The following PRICKLE1 variants were observed in gnomAD, a reference collection of about 807,000 sequenced individuals.
PRICKLE1 encodes prickle-like protein 1.
Under a neutral mutation model 70.2 loss-of-function variants are expected in PRICKLE1, and 14 were observed. That is an observed-to-expected ratio of 0.20 (90% CI 0.13 to 0.31). PRICKLE1 has a LOEUF of 0.31. Ranked by LOEUF, PRICKLE1 falls within the 10% of genes least tolerant of loss-of-function variation. The probability of loss-of-function intolerance (pLI) is 1.00; values close to 1 mark genes in which losing one functional copy is unlikely to be tolerated. For missense variants in PRICKLE1, 821 were observed against 1,026.2 expected (o/e 0.80, Z 2.73); for synonymous variants, 357 against 379.9 (o/e 0.94, Z 0.70).
chr12:42,587,315 T>C (rs1477650598), intron 1 of PRICKLE1, among the ~76,000 whole-genome samples: 1 of 152,196 alleles, frequency 6.6e-6, no homozygotes, highest in Admixed American at 6.5e-5. Context: ...CAGTTTTTCC[T>C]TCCTTTTTCC....
At chr12:42,475,928 C>T (rs549072057) in intron 1 of PRICKLE1, among the ~76,000 whole-genome samples, 2 of 151,254 alleles carry the variant, frequency 1.3e-5, no homozygotes, top group African/African-American at 4.8e-5. Flanking sequence ...AGTGAAACCC[C>T]AAATCTACTA....
intron 1 of PRICKLE1, among the ~76,000 whole-genome samples, chr12:42,537,763 T>A (rs1395545531): frequency 6.6e-6 from 1 of 152,232 alleles, no homozygotes; most frequent in East Asian, 1.9e-4. Flanking sequence ...ATTCAACTTT[T>A]ATCCCTTCCT....
At chr12:42,546,120 C>A (rs1033139211) in intron 1 of PRICKLE1, among the ~76,000 whole-genome samples, 6 of 151,940 alleles carry the variant, frequency 3.9e-5, no homozygotes, top group African/African-American at 1.2e-4. Context: ...GAATTCAGAC[C>A]TTTGCCTTGT....
intron 1 of PRICKLE1, among the ~76,000 whole-genome samples, chr12:42,533,804 ACAGCAGAGGCCTTGTT>A (rs1939967252): frequency 1.3e-5 from 2 of 152,176 alleles, no homozygotes; most frequent in Non-Finnish European, 2.9e-5. Flanking sequence ...CTCACTTCAC[ACAGCAGAGGCCTTGTT>A]CTTCTGACAC....
At chr12:42,466,885 T>C (rs1440218028) in intron 5 of PRICKLE1, among the ~76,000 whole-genome samples, 1 of 152,186 alleles carries the variant, frequency 6.6e-6, no homozygotes, top group Non-Finnish European at 1.5e-5. Context: ...TTAAGGACTC[T>C]TTATTTTTTT....
At chr12:42,584,256 A>G (rs944066810) in intron 1 of PRICKLE1, 12 of 146,928 alleles carry the variant, frequency 8.2e-5, no homozygotes, top group South Asian at 2.1e-4. Flanking sequence ...GGAATCTGGG[A>G]AAAAAAAGTG....
intron 5 of PRICKLE1, among the ~76,000 whole-genome samples, chr12:42,468,336 C>T (rs866894463): frequency 6.6e-6 from 1 of 152,184 alleles, no homozygotes; most frequent in East Asian, 1.9e-4. Flanking sequence ...TATTTTCTCA[C>T]AACCCACTGA....
chr12:42,520,144 T>A (rs561538871), intron 1 of PRICKLE1, among the ~76,000 whole-genome samples: 8 of 152,326 alleles, frequency 5.3e-5, no homozygotes, highest in African/African-American at 1.7e-4. Flanking sequence ...AAAAGCACCC[T>A]CTCAAGTGTC....
At chr12:42,540,508 A>G (rs1371731106) in intron 1 of PRICKLE1, among the ~76,000 whole-genome samples, 1 of 152,204 alleles carries the variant, frequency 6.6e-6, no homozygotes, top group Non-Finnish European at 1.5e-5. Flanking sequence ...AATGCTAATT[A>G]TTTTTTATTA....
intron 1 of PRICKLE1, among the ~76,000 whole-genome samples, chr12:42,522,689 C>A (rs551893582): frequency 1.3e-5 from 2 of 152,116 alleles, no homozygotes; most frequent in East Asian, 1.9e-4. Context: ...GAGAAATGCA[C>A]CATTGCATCA....
At chr12:42,583,016 T>C (rs897933590) in intron 1 of PRICKLE1, among the ~76,000 whole-genome samples, 3 of 151,364 alleles carry the variant, frequency 2.0e-5, no homozygotes, top group African/African-American at 7.3e-5. Flanking sequence ...TCAATTGTAG[T>C]TAACAAGTTA....
intron 1 of PRICKLE1, among the ~76,000 whole-genome samples, chr12:42,563,702 CAAAAAAAAAAAAAA>C (rs11367725): frequency 2.1e-5 from 1 of 46,512 alleles, no homozygotes; most frequent in African/African-American, 7.3e-5. Context: ...GACTCTGTCT[CAAAAAAAAAAAAAA>C]AAAAAAAAAA....
At chr12:42,578,612 C>A (rs1189494972) in intron 1 of PRICKLE1, among the ~76,000 whole-genome samples, 1 of 147,232 alleles carries the variant, frequency 6.8e-6, no homozygotes, top group African/African-American at 2.5e-5. Context: ...GGGTAAACAG[C>A]TGAGAAACTC....
chr12:42,508,887 A>C (rs1939464084), intron 1 of PRICKLE1, among the ~76,000 whole-genome samples: 1 of 152,222 alleles, frequency 6.6e-6, no homozygotes. Flanking sequence ...ACACAGCGGC[A>C]GATGATCTCT....
chr12:42,567,710 C>T lies in PRICKLE1; in HGVS notation c.-49+21755G>A, dbSNP rs570465177. ...GGCGCGGTGGTGGTTGTCTGTAATC[C>T]TAGCTACTCGAGAGGCTGAGGCAGG... On this transcript the variant is annotated intron_variant, in intron 1 of 7. Transcript: ENST00000345127. Among the ~76,000 whole-genome samples, 8 of 150,230 alleles carry T rather than the reference C, an allele frequency of 5.3e-5. No homozygotes were observed. In the South Asian group the frequency reaches 1.3e-3, roughly 24 times the overall value.
At chr12:42,513,102 CA>C (rs1939545041) in intron 1 of PRICKLE1, among the ~76,000 whole-genome samples, 1 of 152,126 alleles carries the variant, frequency 6.6e-6, no homozygotes. Context: ...AGTAACATTA[CA>C]GGCGCCTGCC....
intron 1 of PRICKLE1, among the ~76,000 whole-genome samples, chr12:42,577,258 A>T (rs1336374987): frequency 2.0e-5 from 3 of 152,202 alleles, no homozygotes; most frequent in Non-Finnish European, 4.4e-5. Flanking sequence ...CCACTATTGT[A>T]ACAACATTCA....
chr12:42,559,128 A>C (rs1181880674), intron 1 of PRICKLE1, among the ~76,000 whole-genome samples: 1 of 152,218 alleles, frequency 6.6e-6, no homozygotes, highest in African/African-American at 2.4e-5. Flanking sequence ...CTAGACATGC[A>C]TCAGAATTCC....
chr12:42,505,761 C>T (rs1939396985), intron 1 of PRICKLE1, among the ~76,000 whole-genome samples: 1 of 152,118 alleles, frequency 6.6e-6, no homozygotes, highest in Non-Finnish European at 1.5e-5. Context: ...AGTTGTGCTC[C>T]AACAGCAATT....
Sources: gnomAD v4.1 joint callset for allele counts (sites outside exome capture counted in the v4.1 genomes callset) on GRCh38, gnomAD v4.1.1 for gene constraint, MANE v1.5 for transcripts, NCBI Gene and HGNC (gene_info 2026-07-23, HGNC 2026-07-21) for gene names.